Variants in MAP4 observed in about 807,000 individuals in gnomAD.
MAP4 encodes the protein microtubule-associated protein 4.
MAP4 carries 76 observed loss-of-function variants against 170.2 expected under a neutral mutation model. That is an observed-to-expected ratio of 0.45 (90% CI 0.37 to 0.54). The LOEUF (loss-of-function observed/expected upper bound fraction) is 0.54. Ranked by LOEUF, MAP4 falls within the 20% of genes least tolerant of loss-of-function variation. MAP4 has a pLI of 0.00. For missense variants in MAP4, 2,506 were observed against 2,748.0 expected (o/e 0.91, Z 1.97); for synonymous variants, 909 against 994.5 (o/e 0.91, Z 1.62).
Position 47,872,118 on chromosome 3 carries a change from G to A in MAP4, c.5758-18C>T. ...GCAATGGGCTGGAAATAGGAAAGTGGGAATGAGGCCTGCAGGTCAGCAATA... is the reference window on the plus strand; with the variant it reads ...GCAATGGGCTGGAAATAGGAAAGTGAGAATGAGGCCTGCAGGTCAGCAATA... On this transcript the variant is annotated intron_variant, in intron 12 of 20. Transcript: ENST00000683076. The A allele has an allele frequency of 6.3e-7, 1 of 1,596,296 alleles. No homozygotes were observed. The highest frequency in any genetic ancestry group is 8.6e-7 in the Non-Finnish European group (1 of 1,169,138).
chr3:47,972,550 CTTT>C (rs932506797), intron 3 of MAP4, among the ~76,000 whole-genome samples: 1 of 152,174 alleles, frequency 6.6e-6, no homozygotes, highest in Non-Finnish European at 1.5e-5. Flanking sequence ...AACTTCTTAA[CTTT>C]TATAATTCTG....
intron 1 of MAP4, among the ~76,000 whole-genome samples, chr3:48,055,597 C>A (rs1419425561): frequency 2.2e-5 from 3 of 134,476 alleles, no homozygotes; most frequent in African/African-American, 5.6e-5. Flanking sequence ...CCCAAAGTGC[C>A]GAGATTGCAG....
intron 3 of MAP4, among the ~76,000 whole-genome samples, chr3:47,938,762 A>G (rs1294509243): frequency 1.3e-5 from 2 of 152,170 alleles, no homozygotes; most frequent in African/African-American, 2.4e-5. Flanking sequence ...TCTCTTAGTC[A>G]CAGTAATGAC....
At chr3:48,054,982 T>G (rs1579612446) in intron 1 of MAP4, among the ~76,000 whole-genome samples, 1 of 152,032 alleles carries the variant, frequency 6.6e-6, no homozygotes, top group Non-Finnish European at 1.5e-5. Flanking sequence ...AAAGGCCAAG[T>G]GGGGAGCCTA....
chr3:47,933,558 C>A (rs374603722), intron 3 of MAP4, among the ~76,000 whole-genome samples: 1 of 151,518 alleles, frequency 6.6e-6, no homozygotes, highest in Non-Finnish European at 1.5e-5. Context: ...TCACCTCAGC[C>A]TGCCAAGTAG....
Position 47,852,304 on chromosome 3 carries a change from A to G in MAP4, c.*630T>C, listed in dbSNP as rs1056072121. The G allele has an allele frequency of 6.2e-6, 1 of 161,558 alleles. No individual in the cohort carries two copies. Among genetic ancestry groups the G allele is most frequent in the Non-Finnish European group, 1.3e-5 (1 of 74,804 alleles). 10.0% of individuals were successfully genotyped at this position (161,558 alleles called of 1,614,324 possible). ...TGACAGCAGCTAGGCGGGTATGTTA[A>G]GCATGGGGACAGGCAGCACTGACCC... On this transcript the variant is annotated 3_prime_UTR_variant, in exon 21 of 21. Coordinates refer to ENST00000683076, the MANE Select transcript of MAP4 (RefSeq NM_001385682.1).
chr3:47,909,221 G>A lies in MAP4; in HGVS notation c.5200C>T (p.Pro1734Ser). The A allele has an allele frequency of 1.2e-6, 2 of 1,613,764 alleles. No individual in the cohort carries two copies. The highest frequency in any genetic ancestry group is 1.3e-5 in the African/African-American group (1 of 74,940). ...TCAGATTTTTCTGTCATTTTCTGAG[G>A]TGTCTCCAAAATCTTATCTTTGGGT... ...PEPKDKILET[P>S]QKMTEKSESK... Residue 1734 changes from proline to serine, a missense_variant, in exon 9 of 21, where the codon CCT (proline) becomes TCT (serine). Physicochemically the swap from Pro to Ser is moderately conservative, Grantham distance 74. Transcript: ENST00000683076.
chr3:48,026,386 A>C (rs1191600405), intron 1 of MAP4, among the ~76,000 whole-genome samples: 1 of 152,226 alleles, frequency 6.6e-6, no homozygotes, highest in African/African-American at 2.4e-5. Context: ...CAATCTATAC[A>C]AAACAGCAAT....
At chr3:47,918,651 C>T (rs1183192730) in intron 6 of MAP4, 68 bp downstream of exon 6, 4 of 1,261,604 alleles carry the variant, frequency 3.2e-6, no homozygotes, top group Admixed American at 1.8e-5. Context: ...AAAAAATACA[C>T]CTGATGATTT....
At chr3:48,030,077 T>C (rs536333157) in intron 1 of MAP4, among the ~76,000 whole-genome samples, 1 of 148,164 alleles carries the variant, frequency 6.7e-6, no homozygotes, top group South Asian at 2.1e-4. Context: ...ATGTAATATA[T>C]ATTATATATT....
At chr3:48,086,120 ATATG>A (rs560446050) in intron 1 of MAP4, among the ~76,000 whole-genome samples, 4 of 139,558 alleles carry the variant, frequency 2.9e-5, no homozygotes, top group Non-Finnish European at 5.9e-5. Context: ...GTGTATGTAT[ATATG>A]TATGTGTGTG....
chr3:47,962,005 G>T lies in MAP4; in HGVS notation c.292+15860C>A, dbSNP rs144468866. Reference sequence around the variant, plus strand: ...AAAGTAACCTCGAGTTGCCCTCAGGGTTTATTAGCATAAAGACACTCCTAC... The same window carrying T: ...AAAGTAACCTCGAGTTGCCCTCAGGTTTTATTAGCATAAAGACACTCCTAC... On this transcript the variant is annotated intron_variant, in intron 3 of 20. Coordinates refer to ENST00000683076, the MANE Select transcript of MAP4 (RefSeq NM_001385682.1). Among the ~76,000 whole-genome samples the T allele has an allele frequency of 8.5e-5, 13 of 152,238 alleles. No individual in the cohort carries two copies. The East Asian group carries it at 2.5e-3, about 29-fold the overall frequency.
chr3:47,909,074 G>A lies in MAP4; in HGVS notation c.5347C>T (p.Gln1783Ter), dbSNP rs1185556316. ...LTPLLPKSTI[Q>*]EQERHKQLKS... ...AGTTGCTTATGTCTCTCTTGTTCCT[G>A]GATTGTAGACTTTGGCAAAAGTGGA... The change falls in exon 9 of 21, where the codon CAG becomes TAG. Residue 1783 changes from glutamine (Q) to a stop codon, truncating the protein, a stop_gained. Transcript: ENST00000683076. LOFTEE classifies it high-confidence loss of function. 6.2e-7 allele frequency: 1 copy of A among 1,613,884 alleles called. No homozygotes were observed. Among genetic ancestry groups the A allele is most frequent in the Non-Finnish European group, 8.5e-7 (1 of 1,179,848 alleles).
chr3:47,910,697 G>A lies in MAP4; in HGVS notation c.3724C>T (p.Pro1242Ser). 1 of 1,536,026 alleles carries A rather than the reference G, an allele frequency of 6.5e-7. No homozygotes were observed. Among genetic ancestry groups the A allele is most frequent in the Non-Finnish European group, 8.7e-7 (1 of 1,146,838 alleles). Residue 1242 changes from proline (P) to serine (S), a missense_variant, in exon 9 of 21, where the codon CCT becomes TCT. Around this residue, in one of 3 missense-constraint regions of MAP4, gnomAD observed 2,008 missense variants for 2,206.0 expected, o/e 0.91. Coordinates refer to ENST00000683076, the MANE Select transcript of MAP4 (RefSeq NM_001385682.1). Reference sequence around the variant, plus strand: ...GTATCTCCATCCTTCCCTTCAAAAGGTGGGTTAAGGATTTCTTCCTTCCTC... The same window carrying A: ...GTATCTCCATCCTTCCCTTCAAAAGATGGGTTAAGGATTTCTTCCTTCCTC... ...MERKEEILNP[P>S]FEGKDGDTGS...
At chr3:47,946,577 C>T (rs564332316) in intron 3 of MAP4, among the ~76,000 whole-genome samples, 14 of 145,384 alleles carry the variant, frequency 9.6e-5, no homozygotes, top group Non-Finnish European at 1.5e-4. Context: ...TCGCTTGAAC[C>T]CAGGAGGCAG....
At chr3:48,077,838 T>C (rs2100144730) in intron 1 of MAP4, among the ~76,000 whole-genome samples, 1 of 152,168 alleles carries the variant, frequency 6.6e-6, no homozygotes, top group South Asian at 2.1e-4. Flanking sequence ...CCATGTAATG[T>C]AATATTATTC....
chr3:47,894,119 C>T (rs1451111179), intron 10 of MAP4, among the ~76,000 whole-genome samples: 1 of 152,054 alleles, frequency 6.6e-6, no homozygotes, highest in Non-Finnish European at 1.5e-5. Flanking sequence ...ACATTTCTTC[C>T]CCTTGATCTT....
At chr3:48,037,865 GCT>G (rs1257653213) in intron 1 of MAP4, among the ~76,000 whole-genome samples, 1 of 152,000 alleles carries the variant, frequency 6.6e-6, no homozygotes, top group Non-Finnish European at 1.5e-5. Context: ...TAAACTGTGA[GCT>G]CAAGAGTGAG....
chr3:47,866,777 G>A (rs1050047362), intron 17 of MAP4, among the ~76,000 whole-genome samples: 5 of 152,058 alleles, frequency 3.3e-5, no homozygotes, highest in African/African-American at 7.2e-5. Context: ...GAAGGGATAG[G>A]AAGAAAATGT....
Sources: allele counts gnomAD v4.1 joint callset (sites outside exome capture counted in the v4.1 genomes callset), GRCh38; gene constraint gnomAD v4.1.1; regional missense constraint gnomAD v4.1.1; transcripts MANE v1.5; gene names NCBI Gene and HGNC (gene_info 2026-07-23, HGNC 2026-07-21).